FREY1: variants seen among roughly 807,000 people sequenced by gnomAD.
FREY1 encodes Frey regulator of sperm-oocyte fusion 1.
At chr11:45,906,818 GCGT>G in the FREY1 span, 1 of 1,611,028 alleles carries the variant, frequency 6.2e-7, no homozygotes, top group Non-Finnish European at 8.5e-7. Context: ...CCTCTTAGGG[GCGT>G]CTCCACTGTC....
chr11:45,906,890 G>A, the FREY1 span: 1 of 1,613,886 alleles, frequency 6.2e-7, no homozygotes, highest in Admixed American at 1.7e-5. Flanking sequence ...CCGGAAAGTG[G>A]CTGCGAGAGT....
the FREY1 span, chr11:45,907,093 G>A: frequency 6.5e-7 from 1 of 1,535,256 alleles, no homozygotes; most frequent in Non-Finnish European, 8.9e-7. Context: ...GGGAGGGGCA[G>A]CACCTCCACC....
the FREY1 span, chr11:45,906,904 A>G: frequency 6.2e-7 from 1 of 1,613,784 alleles, no homozygotes; most frequent in South Asian, 1.1e-5. Flanking sequence ...CGAGAGTTCC[A>G]GGGGGGCGGA....
the FREY1 span, chr11:45,907,168 T>G: frequency 6.4e-7 from 1 of 1,557,236 alleles, no homozygotes; most frequent in African/African-American, 1.4e-5. Context: ...AGCGAAGCAG[T>G]GCCACTGCCA....
chr11:45,906,722 G>A, the FREY1 span: 2 of 1,575,154 alleles, frequency 1.3e-6, no homozygotes, highest in African/African-American at 1.4e-5. Flanking sequence ...TGGGTGGTAG[G>A]GGGCAGCTGG....
At chr11:45,907,254 C>A in the FREY1 span, 2 of 1,536,448 alleles carry the variant, frequency 1.3e-6, no homozygotes, top group Non-Finnish European at 1.8e-6. Flanking sequence ...ATCTCCTACA[C>A]GGGTCCTGGC....
chr11:45,906,854 C>T, the FREY1 span: 1 of 1,613,540 alleles, frequency 6.2e-7, no homozygotes, highest in East Asian at 2.2e-5. Flanking sequence ...GGGAAGGGGA[C>T]AAGAGAGATA....
At chr11:45,907,257 GTCCTGGC>G in the FREY1 span, 4 of 1,533,068 alleles carry the variant, frequency 2.6e-6, no homozygotes, top group Non-Finnish European at 3.5e-6. Context: ...TCCTACACGG[GTCCTGGC>G]TCCTGTCGTC....
At chr11:45,907,072 A>G in the FREY1 span, 1 of 1,509,338 alleles carries the variant, frequency 6.6e-7, no homozygotes. Flanking sequence ...GGCCAGCCCC[A>G]CTCCAGAGAG....
At chr11:45,906,561 G>A in the FREY1 span, 1 of 1,528,922 alleles carries the variant, frequency 6.5e-7, no homozygotes, top group East Asian at 2.3e-5. Context: ...CTTTATGAGG[G>A]CCTTGGGTCA....
At chr11:45,906,959 G>A in the FREY1 span, 1 of 1,613,532 alleles carries the variant, frequency 6.2e-7, no homozygotes, top group Non-Finnish European at 8.5e-7. Context: ...GAGATGTCGG[G>A]GTGCTCAGCC....
At chr11:45,906,688 A>AGTC in the FREY1 span, 1 of 1,581,018 alleles carries the variant, frequency 6.3e-7, no homozygotes, top group African/African-American at 1.4e-5. Context: ...AGGATGCCAT[A>AGTC]GTCTAAAGAG....
At chr11:45,906,762 A>AGAT in the FREY1 span, 75 of 1,596,994 alleles carry the variant, frequency 4.7e-5, no homozygotes, top group Middle Eastern at 1.0e-3. Context: ...ACCCTTGAAC[A>AGAT]GATGTGGTTT....
chr11:45,907,246 C>T, the FREY1 span: 53 of 1,544,988 alleles, frequency 3.4e-5, no homozygotes, highest in Non-Finnish European at 2.5e-5. Flanking sequence ...CGAGAACCAT[C>T]TCCTACACGG....
the FREY1 span, chr11:45,906,882 GGAAAGTGGCTGC>G: frequency 1.2e-6 from 2 of 1,613,886 alleles, no homozygotes; most frequent in East Asian, 4.5e-5. Context: ...CCACCAGGCC[GGAAAGTGGCTGC>G]GAGAGTTCCA....
At chr11:45,907,210 C>CCG in the FREY1 span, 1 of 1,555,566 alleles carries the variant, frequency 6.4e-7, no homozygotes, top group Non-Finnish European at 8.7e-7. Context: ...TGAGCCCAGC[C>CCG]CGGGGGTGCA....
the FREY1 span, chr11:45,906,828 T>C: frequency 6.2e-7 from 1 of 1,612,338 alleles, no homozygotes; most frequent in Non-Finnish European, 8.5e-7. Context: ...GCGTCTCCAC[T>C]GTCAGGGATG....
the FREY1 span, chr11:45,906,891 C>T: frequency 6.2e-7 from 1 of 1,613,786 alleles, no homozygotes; most frequent in East Asian, 2.2e-5. Context: ...CGGAAAGTGG[C>T]TGCGAGAGTT....
At chr11:45,906,611 G>C in the FREY1 span, 2 of 1,585,040 alleles carry the variant, frequency 1.3e-6, no homozygotes, top group Non-Finnish European at 8.6e-7. Context: ...GGTCGGGCCC[G>C]TCCCGCTTGC....
Sources: gnomAD v4.1 joint callset for allele counts on GRCh38, gnomAD v4.1.1 for gene constraint, MANE v1.5 for transcripts, NCBI Gene and HGNC (gene_info 2026-07-23, HGNC 2026-07-21) for gene names.